Variants in NEK10 observed in about 807,000 individuals in gnomAD.
NEK10 encodes NIMA related kinase 10.
A neutral mutation model predicts 159.8 loss-of-function variants in NEK10; 122 were observed. That is an observed-to-expected ratio of 0.76 (90% CI 0.66 to 0.89). The LOEUF (loss-of-function observed/expected upper bound fraction) is 0.89, where lower values mean the gene tolerates loss of function less well. Ranked by LOEUF, NEK10 falls within the 40% of genes least tolerant of loss-of-function variation. NEK10 has a pLI of 0.00. For synonymous variants in NEK10, 466 were observed against 457.1 expected (o/e 1.02, Z -0.25); for missense variants, 1,342 against 1,323.1 (o/e 1.01, Z -0.22).
At chr3:27,341,160 A>G (rs957766554) in intron 5 of NEK10, among the ~76,000 whole-genome samples, 10 of 152,244 alleles carry the variant, frequency 6.6e-5, no homozygotes, top group African/African-American at 2.4e-4. Flanking sequence ...CAGTCTCATA[A>G]AGATAGAGAG....
intron 22 of NEK10, among the ~76,000 whole-genome samples, chr3:27,265,963 C>T (rs150298771): frequency 1.4e-4 from 22 of 151,860 alleles, no homozygotes; most frequent in South Asian, 6.2e-4. Context: ...TCCGCCACCA[C>T]GCCCGGCTAA....
At chr3:27,272,819 A>G (rs970630724) in intron 22 of NEK10, among the ~76,000 whole-genome samples, 1 of 151,862 alleles carries the variant, frequency 6.6e-6, no homozygotes, top group Non-Finnish European at 1.5e-5. Flanking sequence ...TCACACATAT[A>G]AATGTAAACT....
At chr3:27,187,060 G>T (rs1432868892) in intron 26 of NEK10, among the ~76,000 whole-genome samples, 1 of 152,114 alleles carries the variant, frequency 6.6e-6, no homozygotes, top group African/African-American at 2.4e-5. Flanking sequence ...GGAGAGTTGG[G>T]GCATCATGGG....
chr3:27,143,064 A>G (rs1306149996), intron 30 of NEK10, among the ~76,000 whole-genome samples: 1 of 152,220 alleles, frequency 6.6e-6, no homozygotes, highest in Non-Finnish European at 1.5e-5. Flanking sequence ...ATGTAGCTCT[A>G]AAATAGAAAA....
chr3:27,226,980 T>G (rs1462920588), intron 23 of NEK10, among the ~76,000 whole-genome samples: 2 of 152,214 alleles, frequency 1.3e-5, no homozygotes, highest in African/African-American at 2.4e-5. Context: ...TTATTCTCAT[T>G]GCCAACAAGT....
At chr3:27,305,087 T>C (rs1197445974) in intron 11 of NEK10, 116 bp from the exon 12 acceptor site, 4 of 673,196 alleles carry the variant, frequency 5.9e-6, no homozygotes, top group Admixed American at 2.6e-5. Context: ...TTGTAAGTCA[T>C]GGGTCAATGT....
In NEK10 at chr3:27,285,533, C is replaced by A. The variant is rs867842540; in HGVS notation, c.1790-572G>T. Among the ~76,000 whole-genome samples, 601 of 141,420 alleles carry A rather than the reference C, an allele frequency of 4.2e-3. 1 individual carries two copies. The highest frequency in any genetic ancestry group is 0.013 in the African/African-American group (521 of 38,652). The allele number at this position is 141,420 out of a possible 152,430, so 92.8% of individuals were successfully genotyped here. ...TCTTTCAAAAGCAAAAAAAAAAAAA[C>A]AAACAAACAAACAAAAAAAAACAAA... On this transcript the variant is annotated intron_variant, in intron 20 of 35. Coordinates refer to ENST00000691995, the MANE Select transcript of NEK10 (RefSeq NM_001394966.1).
chr3:27,158,993 T>C (rs1945759646), intron 30 of NEK10, among the ~76,000 whole-genome samples: 1 of 152,110 alleles, frequency 6.6e-6, no homozygotes, highest in Admixed American at 6.6e-5. Context: ...CTTGGTAATA[T>C]CCAGTTGTTT....
rs1203254539 is a variant in NEK10, at chr3:27,308,971, T to C, written c.671A>G (p.Asn224Ser). 4.4e-6 allele frequency: 7 copies of C among 1,600,470 alleles called. No homozygotes were observed. Among genetic ancestry groups the C allele is most frequent in the Non-Finnish European group, 6.0e-6 (7 of 1,169,078 alleles). ...LVNLLGARDT[N>S]VLLGSLLALA... ...AGCCAGAAGGGAACCCAATAGAACA[T>C]TAGTATCTCGGGCACCAAGTAAATT... is the stretch of plus-strand genomic sequence containing the variant. Residue 224 changes from asparagine (N) to serine (S), a missense_variant, in exon 10 of 36, where the codon AAT becomes AGT. Asn to Ser is a conservative substitution (Grantham distance 46). Coordinates refer to ENST00000691995, the MANE Select transcript of NEK10 (RefSeq NM_001394966.1).
intron 5 of NEK10, among the ~76,000 whole-genome samples, chr3:27,343,282 T>C (rs754948498): frequency 3.3e-5 from 5 of 152,184 alleles, no homozygotes; most frequent in African/African-American, 7.2e-5. Context: ...TAAGCACGTA[T>C]TGAGTAGCTG....
chr3:27,279,436 G>A (rs370719783), intron 22 of NEK10, among the ~76,000 whole-genome samples: 1 of 152,090 alleles, frequency 6.6e-6, no homozygotes, highest in South Asian at 2.1e-4. Context: ...AATTGCAGCT[G>A]CATTCCACTT....
In NEK10 at chr3:27,308,852, G is replaced by A. The variant is rs371853977; in HGVS notation, c.716+74C>T. The A allele has an allele frequency of 6.9e-5, 43 of 621,786 alleles. 1 individual carries two copies. In the Middle Eastern group the frequency reaches 1.6e-3, roughly 22 times the overall value. 38.5% of individuals were successfully genotyped at this position (621,786 alleles called of 1,614,324 possible). ...GTATTAAGTAGTTGACAAAGTAACT[G>A]ATTATTTTGCATCCTTACCACCTAA... On this transcript the variant is annotated intron_variant, in intron 10 of 35. Transcript: ENST00000691995.
At chr3:27,207,718 T>G (rs1434004355) in intron 23 of NEK10, among the ~76,000 whole-genome samples, 1 of 152,182 alleles carries the variant, frequency 6.6e-6, no homozygotes, top group African/African-American at 2.4e-5. Flanking sequence ...AGGTATTGGC[T>G]ATCACACCTT....
At chr3:27,146,387 G>T (rs1000955421) in intron 30 of NEK10, among the ~76,000 whole-genome samples, 2 of 152,118 alleles carry the variant, frequency 1.3e-5, no homozygotes, top group Non-Finnish European at 2.9e-5. Flanking sequence ...TTATTTTTCT[G>T]AATTCTCTCA....
At chr3:27,269,571 C>T (rs2041173285) in intron 22 of NEK10, among the ~76,000 whole-genome samples, 1 of 152,090 alleles carries the variant, frequency 6.6e-6, no homozygotes, top group Admixed American at 6.6e-5. Context: ...GCTTTTTAGA[C>T]ATAATACACA....
chr3:27,307,943 T>G lies in NEK10; in HGVS notation c.719A>C (p.Gln240Pro). 6.9e-7 allele frequency: 1 copy of G among 1,443,186 alleles called. No homozygotes were observed. The highest frequency in any genetic ancestry group is 9.7e-7 in the Non-Finnish European group (1 of 1,026,434). The allele number at this position is 1,443,186 out of a possible 1,614,324, so 89.4% of individuals were successfully genotyped here. ...TTCACTTATCTTCTCCCTACATTCT[T>G]GACTATAAATTGAAAAATATTAGCA... The part of the protein sequence containing the change: ...LLALASLAES[Q>P]ECREKISELN... The change falls in exon 11 of 36, where the codon CAA becomes CCA. Residue 240 changes from glutamine (Q) to proline (P), a missense_variant and splice_region_variant. Transcript: ENST00000691995.
intron 22 of NEK10, among the ~76,000 whole-genome samples, chr3:27,271,030 G>C (rs899228690): frequency 6.6e-6 from 1 of 151,964 alleles, no homozygotes; most frequent in African/African-American, 2.4e-5. Context: ...ATCCATGAGA[G>C]GACTTTGTAT....
chr3:27,305,506 A>G (rs1384780793), intron 11 of NEK10, among the ~76,000 whole-genome samples: 3 of 152,066 alleles, frequency 2.0e-5, no homozygotes, highest in Non-Finnish European at 2.9e-5. Flanking sequence ...AGCCTGGGTG[A>G]CAGAGCGAGA....
intron 22 of NEK10, among the ~76,000 whole-genome samples, chr3:27,274,538 T>G (rs1472779436): frequency 6.6e-6 from 1 of 152,070 alleles, no homozygotes; most frequent in Non-Finnish European, 1.5e-5. Context: ...ATAATGGAGC[T>G]CTGTACATAT....
Sources: allele counts gnomAD v4.1 joint callset (sites outside exome capture counted in the v4.1 genomes callset), GRCh38; gene constraint gnomAD v4.1.1; transcripts MANE v1.5; gene names NCBI Gene and HGNC (gene_info 2026-07-23, HGNC 2026-07-21).